The following VPS37B variants were observed in gnomAD, a reference collection of about 807,000 sequenced individuals.
VPS37B encodes the protein vacuolar protein sorting-associated protein 37B.
A neutral mutation model predicts 21.2 loss-of-function variants in VPS37B; 11 were observed. That is an observed-to-expected ratio of 0.52 (90% CI 0.33 to 0.86). VPS37B has a LOEUF of 0.86. Among genes scored for constraint, VPS37B ranks in the 40% least tolerant of loss-of-function variants. The probability of loss-of-function intolerance (pLI) is 0.03; values close to 1 mark genes in which losing one functional copy is unlikely to be tolerated. For missense variants in VPS37B, 389 were observed against 374.8 expected (o/e 1.04, Z -0.31); for synonymous variants, 175 against 159.6 (o/e 1.10, Z -0.73).
chr12:122,872,196 C>CGCTCA, intron 1 of VPS37B: 1 of 985,440 alleles, frequency 1.0e-6, no homozygotes, highest in South Asian at 4.7e-5. Context: ...GTTCCTGGTG[C>CGCTCA]GCTCACACGA....
chr12:122,882,895 C>T (rs2034267452), intron 1 of VPS37B: 1 of 152,236 alleles, frequency 6.6e-6, no homozygotes, highest in Non-Finnish European at 1.5e-5. Context: ...GTGCTGTAAA[C>T]ACATTAATGT....
At position 122,866,203 on chromosome 12, in the gene VPS37B, G is replaced by T. The variant is rs1465888936; in HGVS notation, c.*913C>A. 2 of 152,634 alleles carry T rather than the reference G, an allele frequency of 1.3e-5. No individual in the cohort carries two copies. The highest frequency in any genetic ancestry group is 2.9e-5 in the Non-Finnish European group (2 of 68,028). The allele number at this position is 152,634 out of a possible 1,614,324, so 9.5% of individuals were successfully genotyped here. ...AAGGCACAGCACGGACACCCGAGGG[G>T]GGGGCACCGTGCACTGCTTGCACAA... On this transcript the variant is annotated 3_prime_UTR_variant, in exon 4 of 4. Coordinates refer to ENST00000267202, the MANE Select transcript of VPS37B (RefSeq NM_024667.3).
At chr12:122,893,953 A>T (rs529379027) in intron 1 of VPS37B, among the ~76,000 whole-genome samples, 1 of 152,232 alleles carries the variant, frequency 6.6e-6, no homozygotes, top group East Asian at 1.9e-4. Context: ...AACAGAATGA[A>T]CTTGATTCTT....
intron 1 of VPS37B, among the ~76,000 whole-genome samples, chr12:122,891,398 C>T (rs565259146): frequency 2.0e-5 from 3 of 152,322 alleles, no homozygotes; most frequent in African/African-American, 4.8e-5. Flanking sequence ...ATTATCCTTC[C>T]TTTAACAGTT....
chr12:122,888,595 C>G (rs1488935175), intron 1 of VPS37B: 1 of 456,070 alleles, frequency 2.2e-6, no homozygotes, highest in Admixed American at 2.3e-5. Flanking sequence ...GGCCGGCATT[C>G]CTCAGCTCAA....
intron 1 of VPS37B, chr12:122,880,922 G>A (rs1047806246): frequency 6.6e-6 from 1 of 152,224 alleles, no homozygotes; most frequent in Non-Finnish European, 1.5e-5. Flanking sequence ...GGCACTGAGC[G>A]TTGTGCACTG....
chr12:122,871,807 GA>G (rs1566124735), intron 1 of VPS37B: 1 of 977,074 alleles, frequency 1.0e-6, no homozygotes, highest in African/African-American at 1.8e-5. Flanking sequence ...GAAGGTCTGA[GA>G]AAAAAAGGCA....
chr12:122,879,696 G>C (rs572045660), intron 1 of VPS37B: 29 of 152,356 alleles, frequency 1.9e-4, no homozygotes, highest in African/African-American at 6.7e-4. Flanking sequence ...AATGACACTT[G>C]AGCTCACATC....
At chr12:122,895,861 C>T in intron 1 of VPS37B, 91 bp downstream of exon 1, 1 of 1,182,926 alleles carries the variant, frequency 8.5e-7, no homozygotes, top group Non-Finnish European at 1.2e-6. Flanking sequence ...CGACCGGAGG[C>T]GCCGCGGTCG....
intron 1 of VPS37B, chr12:122,885,253 T>G (rs2034304135): frequency 6.7e-6 from 1 of 150,192 alleles, no homozygotes; most frequent in South Asian, 2.1e-4. Context: ...ACTTAAGACT[T>G]ACTAAAAAAA....
chr12:122,866,986 A>G lies in VPS37B; in HGVS notation c.*130T>C. On this transcript the variant is annotated 3_prime_UTR_variant, in exon 4 of 4. Transcript: ENST00000267202. Reference sequence around the variant, plus strand: ...CTACTCACCACTGACCTACAGTTCTAAAATCAGACAGACACGCTGGCCCAG... The same window carrying G: ...CTACTCACCACTGACCTACAGTTCTGAAATCAGACAGACACGCTGGCCCAG... 1 of 1,247,504 alleles carries G rather than the reference A, an allele frequency of 8.0e-7. No individual in the cohort carries two copies. The highest frequency in any genetic ancestry group is 1.1e-6 in the Non-Finnish European group (1 of 945,188). 77.3% of individuals were successfully genotyped at this position (1,247,504 alleles called of 1,614,324 possible).
At chr12:122,878,862 G>A (rs1471687748) in intron 1 of VPS37B, 2 of 152,158 alleles carry the variant, frequency 1.3e-5, no homozygotes, top group African/African-American at 2.4e-5. Flanking sequence ...ATGTTGGCCA[G>A]GCTGGTCTCA....
chr12:122,880,206 A>G (rs772397305), intron 1 of VPS37B: 6 of 152,262 alleles, frequency 3.9e-5, no homozygotes, highest in East Asian at 1.9e-4. Flanking sequence ...TGAATGTTCA[A>G]ATTCATAAAC....
intron 2 of VPS37B, among the ~76,000 whole-genome samples, chr12:122,869,866 C>T (rs890988138): frequency 1.1e-4 from 16 of 152,174 alleles, no homozygotes; most frequent in African/African-American, 3.9e-4. Context: ...CCTTAGCCTC[C>T]CAAGTAGCTA....
chr12:122,867,106 G>A lies in VPS37B; in HGVS notation c.*10C>T, dbSNP rs371130963. 4.7e-4 allele frequency: 708 copies of A among 1,514,838 alleles called. No individual in the cohort carries two copies. Among genetic ancestry groups the A allele is most frequent in the Non-Finnish European group, 6.0e-4 (685 of 1,137,288 alleles). The allele number at this position is 1,514,838 out of a possible 1,614,324, so 93.8% of individuals were successfully genotyped here. A position where few individuals can be genotyped will look rare whatever the true frequency, so the allele number is the denominator to read the frequency against. Reference sequence around the variant, plus strand: ...TGGAAGAAGTCTCCCGGGAAGGACCGCGCCGGCGCTCACTGGAGGATGAAA... The same window carrying A: ...TGGAAGAAGTCTCCCGGGAAGGACCACGCCGGCGCTCACTGGAGGATGAAA... On this transcript the variant is annotated 3_prime_UTR_variant, in exon 4 of 4. Transcript: ENST00000267202. The surrounding 1 kb of genome is among the most constrained non-coding windows in gnomAD (Gnocchi z 5.5).
chr12:122,884,099 C>T (rs1229708062), intron 1 of VPS37B: 1 of 152,202 alleles, frequency 6.6e-6, no homozygotes, highest in East Asian at 1.9e-4. Context: ...ACAGCGGAGC[C>T]CTCCACTCCA....
intron 1 of VPS37B, chr12:122,871,522 A>G: frequency 1.0e-6 from 1 of 986,744 alleles, no homozygotes; most frequent in Non-Finnish European, 1.2e-6. Flanking sequence ...AAGCAGGCTA[A>G]GAGGTCCAAC....
intron 1 of VPS37B, chr12:122,871,511 T>C (rs1349061141): frequency 1.0e-6 from 1 of 987,366 alleles, no homozygotes; most frequent in Non-Finnish European, 1.2e-6. Context: ...TCAGGCTTCA[T>C]AAGCAGGCTA....
At chr12:122,887,435 G>A (rs2034345205) in intron 1 of VPS37B, 1 of 152,258 alleles carries the variant, frequency 6.6e-6, no homozygotes, top group African/African-American at 2.4e-5. Flanking sequence ...CCCTGCCCTG[G>A]TCCCTCCAGC....
Sources: allele counts gnomAD v4.1 joint callset (sites outside exome capture counted in the v4.1 genomes callset), GRCh38; gene constraint gnomAD v4.1.1; non-coding constraint Gnocchi (gnomAD v3.1); transcripts MANE v1.5; gene names NCBI Gene and HGNC (gene_info 2026-07-23, HGNC 2026-07-21).